The following MINDY2 variants were observed in gnomAD, a reference collection of about 807,000 sequenced individuals.
MINDY2 encodes ubiquitin carboxyl-terminal hydrolase MINDY-2.
In MINDY2, 52 loss-of-function variants were observed where a neutral mutation model predicts 68.2. The ratio of observed to expected loss-of-function variants is 0.76; its 90% CI spans 0.61 to 0.96. The LOEUF is 0.96. MINDY2 is among the 40% of genes least tolerant of loss of function. The pLI, the probability that MINDY2 is intolerant of heterozygous loss-of-function variation, is 0.00. For synonymous variants in MINDY2, 372 were observed against 303.0 expected (o/e 1.23, Z -2.36); for missense variants, 881 against 773.4 (o/e 1.14, Z -1.65).
Position 58,841,407 on chromosome 15 carries a change from C to CTT in MINDY2, c.1369-5876_1369-5875dup, listed in dbSNP as rs143550992. On this transcript the variant is annotated intron_variant, in intron 6 of 8. Coordinates refer to ENST00000559228, the MANE Select transcript of MINDY2 (RefSeq NM_001040450.3). Reference sequence around the variant, plus strand: ...AGATAATACGCTTTTCCTTTCTTTTCTTTTTTTTTTTTTTTGAGACAGAGT... The same window carrying CTT: ...AGATAATACGCTTTTCCTTTCTTTTCTTTTTTTTTTTTTTTTTGAGACAGAGT... Among the ~76,000 whole-genome samples the CTT allele has an allele frequency of 7.5e-3, 1,023 of 136,760 alleles. 22 individuals carry two copies. The highest frequency in any genetic ancestry group is 0.022 in the African/African-American group (808 of 37,414). 89.7% of individuals were successfully genotyped at this position (136,760 alleles called of 152,430 possible). A position where few individuals can be genotyped will look rare whatever the true frequency, so the allele number is the denominator to read the frequency against.
intron 1 of MINDY2, among the ~76,000 whole-genome samples, chr15:58,778,993 C>G (rs1344096624): frequency 2.0e-5 from 3 of 151,690 alleles, no homozygotes; most frequent in South Asian, 2.1e-4. Context: ...AACTCCTGAC[C>G]TCAAGTGACC....
chr15:58,807,656 C>G (rs1379420958), intron 3 of MINDY2, among the ~76,000 whole-genome samples: 1 of 152,110 alleles, frequency 6.6e-6, no homozygotes, highest in Non-Finnish European at 1.5e-5. Flanking sequence ...AGCCATTGCG[C>G]CCGGCCTAAA....
chr15:58,801,371 C>T (rs1480653656), intron 2 of MINDY2, among the ~76,000 whole-genome samples: 2 of 116,368 alleles, frequency 1.7e-5, no homozygotes, highest in East Asian at 4.5e-4. Flanking sequence ...ATGGCAAGAC[C>T]CCATCTCTTA....
intron 2 of MINDY2, among the ~76,000 whole-genome samples, chr15:58,790,588 T>A (rs347116): frequency 5.3e-5 from 8 of 150,960 alleles, no homozygotes; most frequent in Non-Finnish European, 7.4e-5. Context: ...TAGACCTTAG[T>A]GGGGGGTAAG....
intron 2 of MINDY2, among the ~76,000 whole-genome samples, chr15:58,796,960 A>G (rs1164438211): frequency 6.6e-6 from 1 of 152,176 alleles, no homozygotes; most frequent in Non-Finnish European, 1.5e-5. Context: ...AGGCAGATTG[A>G]GTCAAATTGG....
intron 4 of MINDY2, 90 bp downstream of exon 4, chr15:58,810,478 T>G: frequency 7.8e-7 from 1 of 1,280,990 alleles, no homozygotes. Flanking sequence ...TTTTTGTTAC[T>G]TACTTTTTTT....
chr15:58,839,635 G>A (rs1409736703), intron 6 of MINDY2, among the ~76,000 whole-genome samples: 1 of 151,860 alleles, frequency 6.6e-6, no homozygotes, highest in Middle Eastern at 3.2e-3. Context: ...CCCAGCCTAG[G>A]GTTAGGCTTT....
At chr15:58,780,916 T>A (rs1324290251) in intron 1 of MINDY2, among the ~76,000 whole-genome samples, 2 of 152,216 alleles carry the variant, frequency 1.3e-5, no homozygotes, top group Non-Finnish European at 2.9e-5. Flanking sequence ...TCTTACCCTA[T>A]TCTCATCTTT....
In MINDY2 at chr15:58,847,279, T is replaced by C; in HGVS notation, c.1369-18T>C. The stretch of plus-strand genomic sequence containing the variant: ...GATCAATTTAACAGTCCTTTTTCTT[T>C]TGTTACTTCTTATTAAGGGTCAACT... On this transcript the variant is annotated intron_variant, in intron 6 of 8. Coordinates refer to ENST00000559228, the MANE Select transcript of MINDY2 (RefSeq NM_001040450.3). The C allele has an allele frequency of 6.5e-7, 1 of 1,529,038 alleles. No homozygotes were observed. The highest frequency in any genetic ancestry group is 8.9e-7 in the Non-Finnish European group (1 of 1,129,286). 94.7% of individuals were successfully genotyped at this position (1,529,038 alleles called of 1,614,324 possible). A position where few individuals can be genotyped will look rare whatever the true frequency, so the allele number is the denominator to read the frequency against.
chr15:58,787,188 G>A (rs1298685962), intron 1 of MINDY2, among the ~76,000 whole-genome samples: 3 of 121,358 alleles, frequency 2.5e-5, no homozygotes, highest in Admixed American at 9.9e-5. Context: ...GGCCAGAGGT[G>A]TCACCATGTT....
chr15:58,795,796 C>A (rs537578780), intron 2 of MINDY2, among the ~76,000 whole-genome samples: 1 of 151,964 alleles, frequency 6.6e-6, no homozygotes, highest in Non-Finnish European at 1.5e-5. Context: ...GCCACCCTCC[C>A]TCCTGCACCA....
In MINDY2 at chr15:58,821,724, A is replaced by T. The variant is rs1221392904; in HGVS notation, c.1130A>T (p.Asp377Val). Residue 377 changes from aspartate to valine, a missense_variant, in exon 5 of 9, where the codon GAC (aspartate) becomes GTC (valine). Asp to Val is a radical substitution (Grantham distance 152). Transcript: ENST00000559228. ...CAGTCATTTGTTTTCTAGATTGATGACATTGTAAAAGCTGTTGGTAACTGC... is the reference window on the plus strand; with the variant it reads ...CAGTCATTTGTTTTCTAGATTGATGTCATTGTAAAAGCTGTTGGTAACTGC... ...HGWLVDPQIDDIVKAVGNCSY... is the reference protein window; with the variant it reads ...HGWLVDPQIDVIVKAVGNCSY... 1 of 1,564,746 alleles carries T rather than the reference A, an allele frequency of 6.4e-7. No individual in the cohort carries two copies.
rs149150607 is a variant in MINDY2, at chr15:58,837,779, A to G, written c.1368+5863A>G. Among the ~76,000 whole-genome samples, 187 of 151,896 alleles carry G rather than the reference A, an allele frequency of 1.2e-3. 2 individuals are homozygous for G. The highest frequency in any genetic ancestry group is 5.4e-3 in the South Asian group (26 of 4,820). ...CCAGTAGTTAGAGACCAGCATGGACAATGAAGTAAGACCTTGTCTGTACAA... is the reference window on the plus strand; with the variant it reads ...CCAGTAGTTAGAGACCAGCATGGACGATGAAGTAAGACCTTGTCTGTACAA... On this transcript the variant is annotated intron_variant, in intron 6 of 8. Coordinates refer to ENST00000559228, the MANE Select transcript of MINDY2 (RefSeq NM_001040450.3).
chr15:58,795,623 C>G (rs1902231458), intron 2 of MINDY2, among the ~76,000 whole-genome samples: 1 of 152,120 alleles, frequency 6.6e-6, no homozygotes, highest in African/African-American at 2.4e-5. Context: ...CCAGGATGGT[C>G]TCGATCTCCT....
At chr15:58,775,861 T>A (rs1167047391) in intron 1 of MINDY2, among the ~76,000 whole-genome samples, 2 of 92,344 alleles carry the variant, frequency 2.2e-5, no homozygotes, top group Non-Finnish European at 4.2e-5. Flanking sequence ...GAGGCTAAAT[T>A]TTTTTTTTTT....
At position 58,772,310 on chromosome 15, in the gene MINDY2, A is replaced by T. The variant is rs1466625639; in HGVS notation, c.840+75A>T. On this transcript the variant is annotated intron_variant, in intron 1 of 8. Transcript: ENST00000559228. ...CGGGGTGAGGGAGCTGCTGCATGTC[A>T]GGTGATGGCTTCCTTTCTTTCCTCA... The T allele has an allele frequency of 1.9e-6, 3 of 1,575,538 alleles. No individual in the cohort carries two copies. In the South Asian group the frequency reaches 3.5e-5, roughly 18 times the overall value.
chr15:58,793,087 A>G (rs1902048156), intron 2 of MINDY2, among the ~76,000 whole-genome samples: 1 of 152,202 alleles, frequency 6.6e-6, no homozygotes, highest in Non-Finnish European at 1.5e-5. Context: ...GCTGGGGAAG[A>G]GATGGGGTGA....
chr15:58,855,584 GA>G lies in MINDY2; in HGVS notation c.*976del, dbSNP rs2033032180. The G allele has an allele frequency of 6.6e-6, 1 of 152,628 alleles. No individual in the cohort carries two copies. Among genetic ancestry groups the G allele is most frequent in the South Asian group, 2.1e-4 (1 of 4,832 alleles). The allele number at this position is 152,628 out of a possible 1,614,324, so 9.5% of individuals were successfully genotyped here. A position where few individuals can be genotyped will look rare whatever the true frequency, so the allele number is the denominator to read the frequency against. ...CAATGAAAAAGCACATTTCTGAAAT[GA>G]AGTTAGAGATAATCTCTGTGTCTTA... On this transcript the variant is annotated 3_prime_UTR_variant, in exon 9 of 9. Transcript: ENST00000559228.
At chr15:58,802,606 C>G (rs1166608076) in intron 3 of MINDY2, among the ~76,000 whole-genome samples, 67 of 151,778 alleles carry the variant, frequency 4.4e-4, no homozygotes, top group Admixed American at 4.3e-3. Flanking sequence ...TCCTTTTTTT[C>G]TCATTTTTTT....
Sources: allele counts gnomAD v4.1 joint callset (sites outside exome capture counted in the v4.1 genomes callset), GRCh38; gene constraint gnomAD v4.1.1; transcripts MANE v1.5; gene names NCBI Gene and HGNC (gene_info 2026-07-23, HGNC 2026-07-21).